GABPA: variants seen among roughly 807,000 people sequenced by gnomAD.
GABPA encodes GA binding protein transcription factor subunit alpha.
A neutral mutation model predicts 59.4 loss-of-function variants in GABPA; 4 were observed. That is an observed-to-expected ratio of 0.07 (90% CI 0.03 to 0.15). The LOEUF (loss-of-function observed/expected upper bound fraction) is 0.15, where lower values mean the gene tolerates loss of function less well. Ranked by LOEUF, GABPA falls within the 10% of genes least tolerant of loss-of-function variation. The pLI, the probability that GABPA is intolerant of heterozygous loss-of-function variation, is 1.00. For missense variants in GABPA, 251 were observed against 543.8 expected (o/e 0.46, Z 5.36); for synonymous variants, 164 against 183.1 (o/e 0.90, Z 0.84).
chr21:25,759,343 C>T (rs761806499), intron 6 of GABPA, among the ~76,000 whole-genome samples: 5 of 152,020 alleles, frequency 3.3e-5, no homozygotes, highest in Non-Finnish European at 7.4e-5. Flanking sequence ...TTATTATATA[C>T]CCAATAAGGA....
intron 1 of GABPA, among the ~76,000 whole-genome samples, chr21:25,736,684 A>C (rs1442237796): frequency 6.6e-6 from 1 of 152,100 alleles, no homozygotes; most frequent in Admixed American, 6.5e-5. Flanking sequence ...CCTTCCCTCA[A>C]CTCTTTATAT....
chr21:25,769,624 C>G lies in GABPA; in HGVS notation c.*392C>G, dbSNP rs950513224. 1.3e-5 allele frequency: 2 copies of G among 159,726 alleles called. No individual in the cohort carries two copies. Among genetic ancestry groups the G allele is most frequent in the African/African-American group, 4.8e-5 (2 of 41,534 alleles). The allele number at this position is 159,726 out of a possible 1,614,324, so 9.9% of individuals were successfully genotyped here. ...ACTATTTTTGAAAATATAACTGTTT[C>G]CCCTCTCTGCTGCTTTAGATGTTGC... On this transcript the variant is annotated 3_prime_UTR_variant, in exon 10 of 10. Coordinates refer to ENST00000400075, the MANE Select transcript of GABPA (RefSeq NM_002040.4).
intron 9 of GABPA, 128 bp downstream of exon 9, chr21:25,764,915 C>G (rs1410076649): frequency 1.6e-6 from 1 of 610,854 alleles, no homozygotes; most frequent in Non-Finnish European, 2.5e-6. Flanking sequence ...TTTTTCTTTA[C>G]ATATTAAAAA....
chr21:25,755,708 T>C (rs2035620365), intron 5 of GABPA, among the ~76,000 whole-genome samples: 1 of 152,114 alleles, frequency 6.6e-6, no homozygotes, highest in East Asian at 1.9e-4. Flanking sequence ...TTAATAAATG[T>C]TTTCCCGGTG....
At chr21:25,761,184 A>C (rs1417910204) in intron 6 of GABPA, among the ~76,000 whole-genome samples, 1 of 152,202 alleles carries the variant, frequency 6.6e-6, no homozygotes, top group Admixed American at 6.5e-5. Context: ...TGAGGTTGTC[A>C]GTTGACTGAA....
At chr21:25,757,696 A>G (rs2035668439) in intron 5 of GABPA, among the ~76,000 whole-genome samples, 1 of 152,032 alleles carries the variant, frequency 6.6e-6, no homozygotes, top group Non-Finnish European at 1.5e-5. Context: ...TCTCCAGAAT[A>G]ATCTCATATT....
Position 25,742,034 on chromosome 21 carries a change from A to G in GABPA, c.77+359A>G, listed in dbSNP as rs553111890. On this transcript the variant is annotated intron_variant, in intron 2 of 9. Transcript: ENST00000400075. ...TATTTATGAGTAACTGTTGTAAACA[A>G]CTAATTGACAAGAATATGTGAATAA... Among the ~76,000 whole-genome samples, 5 of 152,374 alleles carry G rather than the reference A, an allele frequency of 3.3e-5. No homozygotes were observed. In the South Asian group the frequency reaches 1.0e-3, roughly 32 times the overall value.
rs1274340739 is a variant in GABPA, at chr21:25,771,553, G to T, written c.*2321G>T. On this transcript the variant is annotated 3_prime_UTR_variant, in exon 10 of 10. Coordinates refer to ENST00000400075, the MANE Select transcript of GABPA (RefSeq NM_002040.4). ...GCCTCAAATTATATGTAAAATATTT[G>T]TTTTACTTAGGTTACAGTTATCAGA... The T allele has an allele frequency of 6.6e-6, 1 of 151,244 alleles. No individual in the cohort carries two copies. Among genetic ancestry groups the T allele is most frequent in the Non-Finnish European group, 1.5e-5 (1 of 67,662 alleles). 9.4% of individuals were successfully genotyped at this position (151,244 alleles called of 1,614,324 possible).
intron 1 of GABPA, among the ~76,000 whole-genome samples, chr21:25,739,250 T>C (rs1016309016): frequency 3.3e-5 from 5 of 152,202 alleles, no homozygotes; most frequent in African/African-American, 4.8e-5. Context: ...GTTGGAGATA[T>C]TGAGAACTTA....
intron 6 of GABPA, among the ~76,000 whole-genome samples, chr21:25,761,754 T>C (rs1022971325): frequency 2.6e-5 from 4 of 152,214 alleles, no homozygotes; most frequent in South Asian, 2.1e-4. Flanking sequence ...ATAGTATTTT[T>C]ATTTTGGGAA....
chr21:25,764,456 G>C (rs2035842356), intron 8 of GABPA, 106 bp downstream of exon 8: 2 of 1,418,652 alleles, frequency 1.4e-6, no homozygotes, highest in East Asian at 2.5e-5. Flanking sequence ...CCCTCTGGCA[G>C]TTTTTAGACA....
intron 5 of GABPA, among the ~76,000 whole-genome samples, chr21:25,754,036 C>T (rs968098065): frequency 7.9e-5 from 12 of 152,112 alleles, no homozygotes; most frequent in South Asian, 4.1e-4. Flanking sequence ...TCTGTCCCTC[C>T]GCTGCCCAGT....
Position 25,771,295 on chromosome 21 carries a change from A to G in GABPA, c.*2063A>G, listed in dbSNP as rs2036004589. 2 of 151,982 alleles carry G rather than the reference A, an allele frequency of 1.3e-5. No homozygotes were observed. The highest frequency in any genetic ancestry group is 4.8e-5 in the African/African-American group (2 of 41,442). The allele number at this position is 151,982 out of a possible 1,614,324, so 9.4% of individuals were successfully genotyped here. On this transcript the variant is annotated 3_prime_UTR_variant, in exon 10 of 10. Transcript: ENST00000400075. The stretch of plus-strand genomic sequence containing the variant: ...TTTTAAAGCTAAAAACATTACTTTT[A>G]GATCCCTAGAATGAAAATTTTTTTC...
Position 25,771,106 on chromosome 21 carries a change from C to A in GABPA, c.*1874C>A, listed in dbSNP as rs1242805592. ...ATCCTCTTACGGCCTAGAGAGTTGA[C>A]AAGTTGCTTGTAGTTTTAAAAAAAT... is the stretch of plus-strand genomic sequence containing the variant. On this transcript the variant is annotated 3_prime_UTR_variant, in exon 10 of 10. Coordinates refer to ENST00000400075, the MANE Select transcript of GABPA (RefSeq NM_002040.4). The A allele has an allele frequency of 6.6e-6, 1 of 151,924 alleles. No individual in the cohort carries two copies. The highest frequency in any genetic ancestry group is 2.4e-5 in the African/African-American group (1 of 41,394). 9.4% of individuals were successfully genotyped at this position (151,924 alleles called of 1,614,324 possible).
At position 25,769,191 on chromosome 21, in the gene GABPA, G is replaced by A. The variant is rs765361733; in HGVS notation, c.1324G>A (p.Ala442Thr). ...AATTGCCCAGCCAGTCACAGCAGTA[G>A]CTCTGGCTACTGCTTCTCTGCAAAC... ...HGIAQPVTAV[A>T]LATASLQTEK... Residue 442 changes from alanine to threonine, a missense_variant, in exon 10 of 10, where the codon GCT (alanine) becomes ACT (threonine). By Grantham distance (58) the Ala-to-Thr change is moderately conservative (BLOSUM62 0). This residue lies in a region of GABPA where 23 missense variants were observed against 60.7 expected (regional missense o/e 0.38). Transcript: ENST00000400075. 7.5e-6 allele frequency: 12 copies of A among 1,606,782 alleles called. No individual in the cohort carries two copies. The East Asian group carries it at 2.7e-4, about 36-fold the overall frequency.
chr21:25,751,462 T>G (rs2035511069), intron 4 of GABPA, among the ~76,000 whole-genome samples: 1 of 151,648 alleles, frequency 6.6e-6, no homozygotes, highest in Non-Finnish European at 1.5e-5. Context: ...TTTCTTCATC[T>G]CATTTAAAAT....
rs1261816412 is a variant in GABPA, at chr21:25,741,595, A to G, written c.-4A>G. The G allele has an allele frequency of 6.2e-7, 1 of 1,604,930 alleles. No individual in the cohort carries two copies. Among genetic ancestry groups the G allele is most frequent in the Non-Finnish European group, 8.5e-7 (1 of 1,172,954 alleles). On this transcript the variant is annotated 5_prime_UTR_variant, in exon 2 of 10. Transcript: ENST00000400075. ...CAGGACTGATCCTTTGAAATACTCC[A>G]GCCATGACTAAAAGAGAAGCAGAGG...
chr21:25,745,022 T>C (rs2035326244), intron 2 of GABPA, among the ~76,000 whole-genome samples, 188 bp from the exon 3 acceptor site: 1 of 152,222 alleles, frequency 6.6e-6, no homozygotes, highest in Admixed American at 6.5e-5. Flanking sequence ...GCTTAGCATT[T>C]CTCTATGAAA....
chr21:25,745,645 T>G (rs2035342787), intron 3 of GABPA, among the ~76,000 whole-genome samples: 1 of 152,232 alleles, frequency 6.6e-6, no homozygotes, highest in African/African-American at 2.4e-5. Context: ...ATATAAGTAG[T>G]AACAGTAGGA....
Sources: gnomAD v4.1 joint callset for allele counts (sites outside exome capture counted in the v4.1 genomes callset) on GRCh38, gnomAD v4.1.1 for gene constraint, gnomAD v4.1.1 regional missense constraint, MANE v1.5 for transcripts, NCBI Gene and HGNC (gene_info 2026-07-23, HGNC 2026-07-21) for gene names.